ASH1L: variants seen among roughly 807,000 people sequenced by gnomAD.
ASH1L encodes ASH1 like histone lysine methyltransferase.
Under a neutral mutation model 269.0 loss-of-function variants are expected in ASH1L, and 23 were observed. The ratio of observed to expected loss-of-function variants is 0.09; its 90% CI spans 0.06 to 0.12. The LOEUF (loss-of-function observed/expected upper bound fraction) is 0.12, where lower values mean the gene tolerates loss of function less well. ASH1L is among the 10% of genes least tolerant of loss of function. The pLI is 1.00. For synonymous variants in ASH1L, 1,187 were observed against 1,253.5 expected (o/e 0.95, Z 1.12); for missense variants, 2,912 against 3,567.8 (o/e 0.82, Z 4.68).
intron 10 of ASH1L, among the ~76,000 whole-genome samples, chr1:155,373,212 A>G (rs917460407): frequency 6.9e-6 from 1 of 145,768 alleles, no homozygotes; most frequent in Admixed American, 6.8e-5. Context: ...GGCTCTGTCT[A>G]AAAAAAAAAC....
At chr1:155,486,389 A>G (rs1666328510) in intron 2 of ASH1L, among the ~76,000 whole-genome samples, 1 of 152,180 alleles carries the variant, frequency 6.6e-6, no homozygotes, top group Admixed American at 6.5e-5. Flanking sequence ...TATATTAAAG[A>G]ATCCCGGGGA....
rs1489442474 is a variant in ASH1L at position 155,480,578 on chromosome 1, A to G, written c.2292T>C (p.Ile764=). ...CATGATCTACAAATGAAGGGGGTCCAATGTTTTTCATAAACTTGGCTGGCT... is the reference window on the plus strand; with the variant it reads ...CATGATCTACAAATGAAGGGGGTCCGATGTTTTTCATAAACTTGGCTGGCT... ...NSEPAKFMKN[I]GPPSFVDHDF... Residue 764 remains isoleucine, a synonymous_variant, in exon 3 of 28, where the codon ATT becomes ATC. Transcript: ENST00000392403. 2.5e-6 allele frequency: 4 copies of G among 1,614,178 alleles called. No individual in the cohort carries two copies. The highest frequency in any genetic ancestry group is 4.5e-5 in the East Asian group (2 of 44,880).
At chr1:155,539,131 CTTTTTAAT>C (rs1351109611) in intron 1 of ASH1L, among the ~76,000 whole-genome samples, 1 of 151,978 alleles carries the variant, frequency 6.6e-6, no homozygotes, top group Non-Finnish European at 1.5e-5. Context: ...CTTTTGGTAT[CTTTTTAAT>C]TTTTTAATTT....
rs2148305632 is a variant in ASH1L, at chr1:155,338,356, G to C, written c.8536C>G (p.Leu2846Val). 6.2e-7 allele frequency: 1 copy of C among 1,613,866 alleles called. No homozygotes were observed. Among genetic ancestry groups the C allele is most frequent in the African/African-American group, 1.3e-5 (1 of 75,000 alleles). Residue 2846 changes from leucine (L) to valine (V), a missense_variant, in exon 27 of 28, where the codon CTA (leucine) becomes GTA (valine). Physicochemically the swap from Leu to Val is conservative, Grantham distance 32. This residue lies in a region of ASH1L where 154 missense variants were observed against 165.0 expected (regional missense o/e 0.93). Transcript: ENST00000392403. ...SWKSERSKPPLKDLGQEDDAL... is the reference protein window; with the variant it reads ...SWKSERSKPPVKDLGQEDDAL... ...TCATCCTCCTGGCCCAAGTCTTTTA[G>C]GGGTGGCTTTGAGCGCTCAGACTTC...
At chr1:155,528,901 T>C (rs548769318) in intron 1 of ASH1L, among the ~76,000 whole-genome samples, 2 of 152,222 alleles carry the variant, frequency 1.3e-5, no homozygotes, top group East Asian at 3.9e-4. Context: ...CCTCTATGTG[T>C]CCATGTGTTG....
chr1:155,426,584 C>T (rs1661177030), intron 5 of ASH1L, among the ~76,000 whole-genome samples: 1 of 152,290 alleles, frequency 6.6e-6, no homozygotes, highest in Admixed American at 6.5e-5. Flanking sequence ...AGGTGATCTG[C>T]CCACATCAGA....
rs147185606 is a variant in ASH1L at position 155,438,779 on chromosome 1, G to C, written c.5376C>G (p.Pro1792=). 4.3e-6 allele frequency: 7 copies of C among 1,614,102 alleles called. No individual in the cohort carries two copies. The highest frequency in any genetic ancestry group is 2.2e-5 in the East Asian group (1 of 44,888). The part of the protein sequence containing the change: ...LSEKLTSSCS[P]HHIKRSVVEA... ...CCACTACACTTCTCTTGATATGATG[G>C]GGGGAACAGCTGCTTGTCAACTTTT... Residue 1792 remains proline, a synonymous_variant, in exon 5 of 28, where the codon CCC becomes CCG. Coordinates refer to ENST00000392403, the MANE Select transcript of ASH1L (RefSeq NM_018489.3).
intron 5 of ASH1L, among the ~76,000 whole-genome samples, chr1:155,417,915 G>A (rs1462041511): frequency 1.3e-5 from 2 of 150,444 alleles, no homozygotes; most frequent in Non-Finnish European, 2.9e-5. Context: ...CCCAGATAGC[G>A]CCATTGCACT....
At chr1:155,526,585 T>C (rs1213568360) in intron 1 of ASH1L, among the ~76,000 whole-genome samples, 1 of 152,118 alleles carries the variant, frequency 6.6e-6, no homozygotes, top group African/African-American at 2.4e-5. Flanking sequence ...TCTACCACTC[T>C]CCTAAAAAAC....
At chr1:155,515,097 G>T (rs989044295) in intron 2 of ASH1L, among the ~76,000 whole-genome samples, 4 of 152,042 alleles carry the variant, frequency 2.6e-5, no homozygotes, top group African/African-American at 4.8e-5. Flanking sequence ...AAATGCCAGC[G>T]AAACCATTAC....
At chr1:155,423,136 AC>A (rs1660848109) in intron 5 of ASH1L, among the ~76,000 whole-genome samples, 1 of 150,330 alleles carries the variant, frequency 6.7e-6, no homozygotes, top group African/African-American at 2.5e-5. Context: ...TTTAGTAGAG[AC>A]AGTGTTTCGT....
At chr1:155,475,428 G>T (rs1037411443) in intron 3 of ASH1L, among the ~76,000 whole-genome samples, 1 of 151,996 alleles carries the variant, frequency 6.6e-6, no homozygotes, top group Non-Finnish European at 1.5e-5. Flanking sequence ...GAGCCACCGC[G>T]CCTGGACTTC....
At chr1:155,399,609 A>T (rs1658657340) in intron 6 of ASH1L, among the ~76,000 whole-genome samples, 1 of 152,064 alleles carries the variant, frequency 6.6e-6, no homozygotes. Flanking sequence ...ACCGCACTCC[A>T]GTCTGGGTGA....
chr1:155,340,604 A>G (rs1436201797), intron 25 of ASH1L, among the ~76,000 whole-genome samples: 1 of 152,158 alleles, frequency 6.6e-6, no homozygotes, highest in African/African-American at 2.4e-5. Context: ...TGAATGGATG[A>G]TCAAAATCTT....
intron 2 of ASH1L, among the ~76,000 whole-genome samples, chr1:155,486,666 T>C (rs993251856): frequency 6.6e-6 from 1 of 152,152 alleles, no homozygotes; most frequent in Non-Finnish European, 1.5e-5. Context: ...AAATACACTA[T>C]GTATCCACAA....
chr1:155,499,361 C>G (rs1286006720), intron 2 of ASH1L, among the ~76,000 whole-genome samples: 1 of 152,048 alleles, frequency 6.6e-6, no homozygotes, highest in Non-Finnish European at 1.5e-5. Flanking sequence ...CATGAAAAAC[C>G]ACTGCAAATC....
intron 25 of ASH1L, among the ~76,000 whole-genome samples, chr1:155,341,387 A>G (rs1469098686): frequency 2.0e-5 from 3 of 152,178 alleles, no homozygotes; most frequent in Non-Finnish European, 4.4e-5. Flanking sequence ...CGTGTTAGCC[A>G]GGATGGTCTT....
chr1:155,480,303 G>C lies in ASH1L; in HGVS notation c.2567C>G (p.Ser856Cys), dbSNP rs372983225. 1.9e-6 allele frequency: 3 copies of C among 1,613,998 alleles called. No homozygotes were observed. The highest frequency in any genetic ancestry group is 2.2e-5 in the East Asian group (1 of 44,894). Residue 856 changes from serine to cysteine, a missense_variant, in exon 3 of 28, where the codon TCT (serine) becomes TGT (cysteine). Coordinates refer to ENST00000392403, the MANE Select transcript of ASH1L (RefSeq NM_018489.3). ...TLKIPASKVF[S>C]LQSKEEQEPP... ...TTCTTGTTCTTCCTTAGACTGTAAA[G>C]AAAACACTTTAGAAGCAGGGATTTT... is the stretch of plus-strand genomic sequence containing the variant.
chr1:155,416,069 A>G, intron 5 of ASH1L, 146 bp from the exon 6 acceptor site: 1 of 584,926 alleles, frequency 1.7e-6, no homozygotes, highest in Non-Finnish European at 2.8e-6. Context: ...AACTGGTACC[A>G]GACTTCTCCT....
Sources: allele counts gnomAD v4.1 joint callset (sites outside exome capture counted in the v4.1 genomes callset), GRCh38; gene constraint gnomAD v4.1.1; regional missense constraint gnomAD v4.1.1; transcripts MANE v1.5; gene names NCBI Gene and HGNC (gene_info 2026-07-23, HGNC 2026-07-21).